The following TPRN variants were observed in gnomAD, a reference collection of about 807,000 sequenced individuals.
The protein encoded by TPRN is chromosome 9 open reading frame 75.
Under a neutral mutation model 42.6 loss-of-function variants are expected in TPRN, and 32 were observed. That is an observed-to-expected ratio of 0.75 (90% CI 0.57 to 1.01). The LOEUF is 1.01. TPRN is among the 50% of genes least tolerant of loss of function. TPRN has a pLI of 0.00. For synonymous variants in TPRN, 541 were observed against 445.6 expected, an observed-to-expected ratio of 1.21 and a Z score of -2.70; for missense variants, 1,095 against 957.5, an observed-to-expected ratio of 1.14 and a Z score of -1.90.
intron 1 of TPRN, chr9:137,194,963 G>C (rs2131350527): frequency 6.6e-6 from 1 of 152,532 alleles, no homozygotes; most frequent in East Asian, 1.9e-4. Context: ...CAGCCTCCCA[G>C]CAGAGCCTCC....
In TPRN at chr9:137,200,716, C is replaced by T; in HGVS notation, c.-5G>A. ...CGGCCGCCCCAGGGCGGCCATGCTG[C>T]GAACGCGGCAGCGGACGGCTGGACT... On this transcript the variant is annotated 5_prime_UTR_variant, in exon 1 of 4. Transcript: ENST00000409012. The surrounding 1 kb of genome is among the most constrained non-coding windows in gnomAD (Gnocchi z 4.3). The T allele has an allele frequency of 1.7e-6, 2 of 1,156,294 alleles. No homozygotes were observed. The highest frequency in any genetic ancestry group is 4.6e-5 in the Admixed American group (1 of 21,882). 71.6% of individuals were successfully genotyped at this position (1,156,294 alleles called of 1,614,324 possible).
chr9:137,197,166 T>A (rs1469567420), intron 1 of TPRN, among the ~76,000 whole-genome samples: 1 of 152,190 alleles, frequency 6.6e-6, no homozygotes, highest in Non-Finnish European at 1.5e-5. Flanking sequence ...TGGCGCGATC[T>A]CGGCTCACTG....
chr9:137,200,726 A>C lies in TPRN; in HGVS notation c.-15T>G, dbSNP rs1834798367. On this transcript the variant is annotated 5_prime_UTR_variant, in exon 1 of 4. Transcript: ENST00000409012. The surrounding 1 kb of genome is among the most constrained non-coding windows in gnomAD (Gnocchi z 4.3). ...AGGGCGGCCATGCTGCGAACGCGGC[A>C]GCGGACGGCTGGACTGAGGGCCGGA... 8.8e-7 allele frequency: 1 copy of C among 1,135,588 alleles called. No individual in the cohort carries two copies. The allele number at this position is 1,135,588 out of a possible 1,614,324, so 70.3% of individuals were successfully genotyped here.
intron 1 of TPRN, among the ~76,000 whole-genome samples, chr9:137,197,073 A>G (rs939538679): frequency 6.6e-6 from 1 of 152,130 alleles, no homozygotes; most frequent in African/African-American, 2.4e-5. Context: ...ACCCAGCCGC[A>G]AATGACCCCC....
At position 137,191,655 on chromosome 9, in the gene TPRN, G is replaced by A. The variant is rs184387535; in HGVS notation, c.*457C>T. 1.6e-4 allele frequency: 50 copies of A among 313,286 alleles called. No homozygotes were observed. Among genetic ancestry groups the A allele is most frequent in the Non-Finnish European group, 2.9e-4 (45 of 157,370 alleles). 19.4% of individuals were successfully genotyped at this position (313,286 alleles called of 1,614,324 possible). On this transcript the variant is annotated 3_prime_UTR_variant, in exon 4 of 4. Transcript: ENST00000409012. ...GCTGTTTATTGAGTCCATCATCAGA[G>A]GCAGGAAAGACGCCACTCATCACAG...
chr9:137,200,482 G>C lies in TPRN; in HGVS notation c.230C>G (p.Ala77Gly). Residue 77 changes from alanine to glycine, a missense_variant, in exon 1 of 4, where the codon GCG becomes GGG. Transcript: ENST00000409012. This position sits in a 1 kb window ranked among gnomAD's most constrained non-coding sequence, Gnocchi z 4.3. ...GCGGCGGTACCGCTCCAGCAGCCGC[G>C]CCCCCGCCGCGCCCCCGCCGCGCCG... Reference protein sequence around the residue: ...ERRRGGGAAGARLLERYRRVP... With the variant: ...ERRRGGGAAGGRLLERYRRVP... 1.8e-6 allele frequency: 2 copies of C among 1,122,566 alleles called. No individual in the cohort carries two copies. The highest frequency in any genetic ancestry group is 3.0e-5 in the South Asian group (1 of 33,136). 69.5% of individuals were successfully genotyped at this position (1,122,566 alleles called of 1,614,324 possible).
chr9:137,192,942 G>A, intron 1 of TPRN: 1 of 557,402 alleles, frequency 1.8e-6, no homozygotes, highest in Non-Finnish European at 3.2e-6. Flanking sequence ...AGGACCAGGA[G>A]CCCAAAGCCT....
Position 137,200,433 on chromosome 9 carries a change from GC to G in TPRN, c.278del (p.Arg93ProfsTer357). 1 of 1,120,266 alleles carries G rather than the reference GC, an allele frequency of 8.9e-7. No homozygotes were observed. Among genetic ancestry groups the G allele is most frequent in the South Asian group, 2.5e-5 (1 of 39,534 alleles). 69.4% of individuals were successfully genotyped at this position (1,120,266 alleles called of 1,614,324 possible). ...TCTCGATGATGAGGACGCTGTCGGCGCGGAGGGCGCGCACGCCAGGCACGCG... is the reference window on the plus strand; with the variant it reads ...TCTCGATGATGAGGACGCTGTCGGCGGGAGGGCGCGCACGCCAGGCACGCG... Reference protein sequence around the residue: ...YRRVPGVRALRADSVLIIETV... With the variant: ...YRRVPGVRALXADSVLIIETV... On this transcript the variant is annotated frameshift_variant, in exon 1 of 4. Transcript: ENST00000409012. LOFTEE classifies it high-confidence loss of function. The surrounding 1 kb of genome is among the most constrained non-coding windows in gnomAD (Gnocchi z 4.3).
At chr9:137,194,735 C>T (rs924854779) in intron 1 of TPRN, 6 of 152,282 alleles carry the variant, frequency 3.9e-5, no homozygotes, top group African/African-American at 1.4e-4. Flanking sequence ...CCCAGGTCTC[C>T]TCAGCTGGGC....
In TPRN at chr9:137,199,935, G is replaced by T; in HGVS notation, c.777C>A (p.Leu259=). Reference sequence around the variant, plus strand: ...GGGTCCCGGGGCTGGGGGGCGGGTGGAGGGAGGGATCCCCCGACTCCACCT... The same window carrying T: ...GGGTCCCGGGGCTGGGGGGCGGGTGTAGGGAGGGATCCCCCGACTCCACCT... ...KPKVESGDPS[L]HPPPSPGTPS... is the part of the protein sequence containing the mutation. The change falls in exon 1 of 4, where the codon CTC becomes CTA. Residue 259 remains leucine, a synonymous_variant. Transcript: ENST00000409012. The T allele has an allele frequency of 6.8e-7, 1 of 1,468,828 alleles. No individual in the cohort carries two copies. The highest frequency in any genetic ancestry group is 9.1e-7 in the Non-Finnish European group (1 of 1,103,246). The allele number at this position is 1,468,828 out of a possible 1,614,324, so 91.0% of individuals were successfully genotyped here. A position where few individuals can be genotyped will look rare whatever the true frequency, so the allele number is the denominator to read the frequency against.
In TPRN at chr9:137,194,405, A is replaced by G. The variant is rs117896859; in HGVS notation, c.1726-1714T>C. 697 of 152,246 alleles carry G rather than the reference A, an allele frequency of 4.6e-3. 6 individuals are homozygous for G. Among genetic ancestry groups the G allele is most frequent in the Middle Eastern group, 0.017 (5 of 296 alleles). 9.4% of individuals were successfully genotyped at this position (152,246 alleles called of 1,614,324 possible). Reference sequence around the variant, plus strand: ...TCAAGGCAGGACAGGGCTGGTGGCTAGAGCTCTCCCACAGCCCCGAAGTCC... The same window carrying G: ...TCAAGGCAGGACAGGGCTGGTGGCTGGAGCTCTCCCACAGCCCCGAAGTCC... On this transcript the variant is annotated intron_variant, in intron 1 of 3. Transcript: ENST00000409012.
At chr9:137,193,785 GC>G (rs1834665564) in intron 1 of TPRN, 1 of 152,522 alleles carries the variant, frequency 6.6e-6, no homozygotes, top group African/African-American at 2.4e-5. Context: ...GGACCCGGAG[GC>G]AGGAGCCGGG....
rs921867997 is a variant in TPRN at position 137,191,833 on chromosome 9, G to A, written c.*279C>T. The A allele has an allele frequency of 1.3e-5, 7 of 530,580 alleles. No individual in the cohort carries two copies. Among genetic ancestry groups the A allele is most frequent in the East Asian group, 3.4e-5 (1 of 29,532 alleles). The allele number at this position is 530,580 out of a possible 1,614,324, so 32.9% of individuals were successfully genotyped here. A position where few individuals can be genotyped will look rare whatever the true frequency, so the allele number is the denominator to read the frequency against. On this transcript the variant is annotated 3_prime_UTR_variant, in exon 4 of 4. Transcript: ENST00000409012. Reference sequence around the variant, plus strand: ...TGCAGAATCTGCACAGCCCCCTGCCGGGTCGCAGATGGCCACCACCCAGCA... The same window carrying A: ...TGCAGAATCTGCACAGCCCCCTGCCAGGTCGCAGATGGCCACCACCCAGCA...
At chr9:137,197,768 C>T (rs1834727112) in intron 1 of TPRN, among the ~76,000 whole-genome samples, 1 of 152,140 alleles carries the variant, frequency 6.6e-6, no homozygotes, top group Non-Finnish European at 1.5e-5. Context: ...TGGGGTGATG[C>T]TCGGGCGAGG....
rs1485349184 is a variant in TPRN at position 137,199,833 on chromosome 9, G to T, written c.879C>A (p.Thr293=). ...CCGGCCGTATCTCGAAGGAGTCGTT[G>T]GTGCTGGTGGCTGCGGAGACGCACT... ...QRQCVSAATS[T]NDSFEIRPAP... is the part of the protein sequence containing the mutation. Residue 293 remains threonine, a synonymous_variant, in exon 1 of 4, where the codon ACC becomes ACA. Coordinates refer to ENST00000409012, the MANE Select transcript of TPRN (RefSeq NM_001128228.3). 1.3e-6 allele frequency: 2 copies of T among 1,577,094 alleles called. No individual in the cohort carries two copies. The highest frequency in any genetic ancestry group is 2.7e-5 in the African/African-American group (2 of 74,168).
chr9:137,195,356 G>T (rs1050432221), intron 1 of TPRN, among the ~76,000 whole-genome samples: 1 of 152,222 alleles, frequency 6.6e-6, no homozygotes, highest in Non-Finnish European at 1.5e-5. Context: ...TGGGGTTCCC[G>T]GCTTCAGAAG....
rs1324910082 is a variant in TPRN at position 137,192,557 on chromosome 9, TTCCTCCTCTTCCTCTTCCTCCTCCTCC to T, written c.1833_1859del (p.Glu613_Glu621del). On this transcript the variant is annotated inframe_deletion, in exon 2 of 4. Transcript: ENST00000409012. Reference sequence around the variant, plus strand: ...GCTTCTCCTCTGAGCCGGATCCCTCTTCCTCCTCTTCCTCTTCCTCCTCCTCCTCCTCCTCCTCCTCCTGCTGGTCCA... The same window carrying T: ...GCTTCTCCTCTGAGCCGGATCCCTCTTCCTCCTCCTCCTCCTGCTGGTCCA... The T allele has an allele frequency of 1.2e-6, 2 of 1,610,626 alleles. No individual in the cohort carries two copies. Among genetic ancestry groups the T allele is most frequent in the Non-Finnish European group, 8.5e-7 (1 of 1,178,608 alleles).
rs201762317 is a variant in TPRN, at chr9:137,192,471, C to T, written c.1946G>A (p.Arg649Gln). ...FVSSVRPESS[R>Q]LPEGSSGLSS... Reference sequence around the variant, plus strand: ...CTCACCTGAGCTACCCTCTGGCAGCCGAGAGCTCTCGGGTCTCACGCTGCT... The same window carrying T: ...CTCACCTGAGCTACCCTCTGGCAGCTGAGAGCTCTCGGGTCTCACGCTGCT... The change falls in exon 2 of 4, where the codon CGG becomes CAG. Residue 649 changes from arginine to glutamine, a missense_variant. Arg to Gln is a conservative substitution (Grantham distance 43, BLOSUM62 1). Transcript: ENST00000409012. The T allele has an allele frequency of 5.6e-6, 9 of 1,605,486 alleles. No individual in the cohort carries two copies. The highest frequency in any genetic ancestry group is 1.7e-5 in the Admixed American group (1 of 58,908).
intron 1 of TPRN, among the ~76,000 whole-genome samples, chr9:137,197,391 C>T (rs1170095440): frequency 1.3e-5 from 2 of 152,138 alleles, no homozygotes; most frequent in African/African-American, 2.4e-5. Context: ...TGTGAGCCAC[C>T]GCGCCCAGCC....
Sources: allele counts gnomAD v4.1 joint callset (sites outside exome capture counted in the v4.1 genomes callset), GRCh38; gene constraint gnomAD v4.1.1; non-coding constraint Gnocchi (gnomAD v3.1); transcripts MANE v1.5; gene names NCBI Gene and HGNC (gene_info 2026-07-23, HGNC 2026-07-21).